CCDC177: variants seen among roughly 807,000 people sequenced by gnomAD.
The protein encoded by CCDC177 is coiled-coil domain containing 177.
CCDC177 carries 2 observed loss-of-function variants against 7.3 expected under a neutral mutation model. The observed-to-expected ratio is 0.28, with a 90% CI of 0.11 to 0.87. The LOEUF is 0.87. Among genes scored for constraint, CCDC177 ranks in the 40% least tolerant of loss-of-function variants. The pLI, the probability that CCDC177 is intolerant of heterozygous loss-of-function variation, is 0.61. For missense variants in CCDC177, 874 were observed against 970.5 expected (o/e 0.90, Z 1.32); for synonymous variants, 401 against 449.2 (o/e 0.89, Z 1.36).
In CCDC177 at chr14:69,572,772, G is replaced by A. The variant is rs898151530; in HGVS notation, c.851C>T (p.Thr284Ile). Residue 284 changes from threonine to isoleucine, a missense_variant, in exon 2 of 2, where the codon ACC (threonine) becomes ATC (isoleucine). By Grantham distance (89) the Thr-to-Ile change is moderately conservative. Coordinates refer to ENST00000599174, the MANE Select transcript of CCDC177 (RefSeq NM_001271507.2). ...SCPAGSASST[T>I]NAPGRPSALT... ...GGCAGACGGGCGGCCCGGAGCGTTG[G>A]TGGTGGAGGACGCCGACCCCGCTGG... 8.1e-7 allele frequency: 1 copy of A among 1,230,730 alleles called. No homozygotes were observed. The highest frequency in any genetic ancestry group is 4.2e-5 in the Admixed American group (1 of 23,644). 76.2% of individuals were successfully genotyped at this position (1,230,730 alleles called of 1,614,324 possible).
In CCDC177 at chr14:69,571,614, G is replaced by C. The variant is rs1200804348; in HGVS notation, c.2009C>G (p.Ser670Cys). ...ERRSALESAR[S>C]TARASFHVRE... ...CACGTGGAAGGAAGCCCGGGCTGTG[G>C]AGCGGGCGCTCTCCAGCGCACTGCG... Residue 670 changes from serine (S) to cysteine (C), a missense_variant, in exon 2 of 2, where the codon TCC becomes TGC. By Grantham distance (112) the Ser-to-Cys change is moderately radical. Transcript: ENST00000599174. 9.7e-6 allele frequency: 12 copies of C among 1,234,468 alleles called. No homozygotes were observed. The highest frequency in any genetic ancestry group is 1.6e-5 in the African/African-American group (1 of 64,446). The allele number at this position is 1,234,468 out of a possible 1,614,324, so 76.5% of individuals were successfully genotyped here.
Position 69,572,762 on chromosome 14 carries a change from C to A in CCDC177, c.861G>T (p.Pro287=), listed in dbSNP as rs1004488342. ...CCAGGGTCAGGGCAGACGGGCGGCC[C>A]GGAGCGTTGGTGGTGGAGGACGCCG... ...AGSASSTTNA[P]GRPSALTLVP... is the part of the protein sequence containing the mutation. The change falls in exon 2 of 2, where the codon CCG becomes CCT. Residue 287 remains proline (P), a synonymous_variant. Coordinates refer to ENST00000599174, the MANE Select transcript of CCDC177 (RefSeq NM_001271507.2). 8.1e-7 allele frequency: 1 copy of A among 1,231,566 alleles called. No individual in the cohort carries two copies. The highest frequency in any genetic ancestry group is 1.0e-6 in the Non-Finnish European group (1 of 987,844). 76.3% of individuals were successfully genotyped at this position (1,231,566 alleles called of 1,614,324 possible). A position where few individuals can be genotyped will look rare whatever the true frequency, so the allele number is the denominator to read the frequency against.
chr14:69,573,001 C>A lies in CCDC177; in HGVS notation c.622G>T (p.Ala208Ser), dbSNP rs1595012807. 6.5e-6 allele frequency: 8 copies of A among 1,230,362 alleles called. No homozygotes were observed. The highest frequency in any genetic ancestry group is 8.1e-6 in the Non-Finnish European group (8 of 987,342). 76.2% of individuals were successfully genotyped at this position (1,230,362 alleles called of 1,614,324 possible). ...ASPAPRAARK[A>S]SPSPSSARTQ... ...CGGGCGGAGGAGGGACTAGGGGAAG[C>A]CTTGCGGGCCGCACGCGGCGCGGGC... is the stretch of plus-strand genomic sequence containing the variant. Residue 208 changes from alanine (A) to serine (S), a missense_variant, in exon 2 of 2, where the codon GCT (alanine) becomes TCT (serine). Transcript: ENST00000599174.
intron 1 of CCDC177, among the ~76,000 whole-genome samples, chr14:69,574,043 C>G (rs923573882): frequency 6.6e-6 from 1 of 152,228 alleles, no homozygotes; most frequent in African/African-American, 2.4e-5. Context: ...TTGTTTGTAG[C>G]TTAGGCGGGC....
Position 69,573,585 on chromosome 14 carries a change from G to A in CCDC177, c.38C>T (p.Ala13Val), listed in dbSNP as rs745909065. Residue 13 changes from alanine (A) to valine (V), a missense_variant, in exon 2 of 2, where the codon GCG becomes GTG. Physicochemically the swap from Ala to Val is moderately conservative, Grantham distance 64. Coordinates refer to ENST00000599174, the MANE Select transcript of CCDC177 (RefSeq NM_001271507.2). ...GTCCCCTCCAGAGTCGCCGGGTTCCGCTCCTGCCTTCTCTTCTTCAGGCAC... is the reference window on the plus strand; with the variant it reads ...GTCCCCTCCAGAGTCGCCGGGTTCCACTCCTGCCTTCTCTTCTTCAGGCAC... ...DPVPEEEKAG[A>V]EPGDSGGDEA... The A allele has an allele frequency of 3.2e-6, 4 of 1,231,830 alleles. No individual in the cohort carries two copies. Among genetic ancestry groups the A allele is most frequent in the Non-Finnish European group, 4.0e-6 (4 of 988,018 alleles). 76.3% of individuals were successfully genotyped at this position (1,231,830 alleles called of 1,614,324 possible). A position where few individuals can be genotyped will look rare whatever the true frequency, so the allele number is the denominator to read the frequency against.
chr14:69,574,194 G>A (rs1884391244), intron 1 of CCDC177, among the ~76,000 whole-genome samples: 2 of 152,206 alleles, frequency 1.3e-5, no homozygotes, highest in Non-Finnish European at 2.9e-5. Context: ...GGTGATTAAA[G>A]GGCTGGGAGA....
At position 69,572,007 on chromosome 14, in the gene CCDC177, C is replaced by G; in HGVS notation, c.1616G>C (p.Gly539Ala). 8.1e-7 allele frequency: 1 copy of G among 1,231,320 alleles called. No individual in the cohort carries two copies. Among genetic ancestry groups the G allele is most frequent in the East Asian group, 3.2e-5 (1 of 31,634 alleles). 76.3% of individuals were successfully genotyped at this position (1,231,320 alleles called of 1,614,324 possible). ...ATGCTCGTAGTTCTCCTGCGCACGG[C>G]CCAAACTGGCTTCCAGCGAGCTCCG... is the stretch of plus-strand genomic sequence containing the variant. ...GLRSSLEASL[G>A]RAQENYEHLV... Residue 539 changes from glycine (G) to alanine (A), a missense_variant, in exon 2 of 2, where the codon GGC (glycine) becomes GCC (alanine). Transcript: ENST00000599174.
At position 69,570,455 on chromosome 14, in the gene CCDC177, C is replaced by G. The variant is rs945093212; in HGVS notation, c.*1044G>C. On this transcript the variant is annotated 3_prime_UTR_variant, in exon 2 of 2. Coordinates refer to ENST00000599174, the MANE Select transcript of CCDC177 (RefSeq NM_001271507.2). ...CAACTCTCAACAAAGGCAATTCCAG[C>G]TCTTCGGCCACCACAGTAAAGCAGC... The G allele has an allele frequency of 4.3e-6, 1 of 232,800 alleles. No homozygotes were observed. The highest frequency in any genetic ancestry group is 8.6e-6 in the Non-Finnish European group (1 of 115,774). The allele number at this position is 232,800 out of a possible 1,614,324, so 14.4% of individuals were successfully genotyped here.
chr14:69,571,738 TG>T lies in CCDC177; in HGVS notation c.1884del (p.Asn628LysfsTer30). 8.1e-7 allele frequency: 1 copy of T among 1,231,488 alleles called. No homozygotes were observed. Among genetic ancestry groups the T allele is most frequent in the Non-Finnish European group, 1.0e-6 (1 of 987,864 alleles). The allele number at this position is 1,231,488 out of a possible 1,614,324, so 76.3% of individuals were successfully genotyped here. A position where few individuals can be genotyped will look rare whatever the true frequency, so the allele number is the denominator to read the frequency against. The stretch of plus-strand genomic sequence containing the variant: ...TCTTCGTCCCTCTCCACCTTCTCCT[TG>T]TTGGCGCGCTGGGCTCGTTCCTTCT... ...RLEKERAQRA[N>X]KEKVERDEDC... On this transcript the variant is annotated frameshift_variant, in exon 2 of 2. Coordinates refer to ENST00000599174, the MANE Select transcript of CCDC177 (RefSeq NM_001271507.2). LOFTEE classifies it high-confidence loss of function.
chr14:69,573,235 C>T lies in CCDC177; in HGVS notation c.388G>A (p.Ala130Thr), dbSNP rs915963232. ...TCGTAGGCCTCATACAGGCCGGTGG[C>T]CACCCGCATGGAGCGGCCCGGAGCC... ...REAPGRSMRV[A>T]TGLYEAYEAE... The change falls in exon 2 of 2, where the codon GCC becomes ACC. Residue 130 changes from alanine (A) to threonine (T), a missense_variant. Coordinates refer to ENST00000599174, the MANE Select transcript of CCDC177 (RefSeq NM_001271507.2). The T allele has an allele frequency of 4.9e-6, 6 of 1,230,694 alleles. No individual in the cohort carries two copies. In the East Asian group the frequency reaches 1.6e-4, roughly 32 times the overall value. 76.2% of individuals were successfully genotyped at this position (1,230,694 alleles called of 1,614,324 possible).
At position 69,572,223 on chromosome 14, in the gene CCDC177, C is replaced by A. The variant is rs1884340613; in HGVS notation, c.1400G>T (p.Gly467Val). ...AGCCCGCTCCCGCCCTTCCTGTAGA[C>A]CTTCCTCACGTTGCTTCAGGTTCTG... ...QEQNLKQREE[G>V]LQEGRERAEQ... The change falls in exon 2 of 2, where the codon GGT (glycine) becomes GTT (valine). Residue 467 changes from glycine to valine, a missense_variant. Transcript: ENST00000599174. The A allele has an allele frequency of 8.1e-7, 1 of 1,229,674 alleles. No individual in the cohort carries two copies. The highest frequency in any genetic ancestry group is 4.1e-5 in the South Asian group (1 of 24,300). 76.2% of individuals were successfully genotyped at this position (1,229,674 alleles called of 1,614,324 possible).
At position 69,572,072 on chromosome 14, in the gene CCDC177, C is replaced by T. The variant is rs1201701589; in HGVS notation, c.1551G>A (p.Gln517=). 2 of 1,230,680 alleles carry T rather than the reference C, an allele frequency of 1.6e-6. No homozygotes were observed. The highest frequency in any genetic ancestry group is 4.2e-5 in the Admixed American group (1 of 23,678). The allele number at this position is 1,230,680 out of a possible 1,614,324, so 76.2% of individuals were successfully genotyped here. ...AERARHEALL[Q]GRTRQQRQER... is the part of the protein sequence containing the mutation. ...CCTGGCGCTGCTGCCGGGTCCGACC[C>T]TGTAGCAGCGCCTCGTGGCGCGCCC... Residue 517 remains glutamine (Q), a synonymous_variant, in exon 2 of 2, where the codon CAG becomes CAA. Transcript: ENST00000599174.
Position 69,572,243 on chromosome 14 carries a change from G to A in CCDC177, c.1380C>T (p.Asn460=). ...GTAGACCTTCCTCACGTTGCTTCAG[G>A]TTCTGCTCCTGCTGAAGCTTGCGCA... The part of the protein sequence containing the change: ...DRLRKLQQEQ[N]LKQREEGLQE... Residue 460 remains asparagine, a synonymous_variant, in exon 2 of 2, where the codon AAC becomes AAT. Transcript: ENST00000599174. 1 of 1,229,162 alleles carries A rather than the reference G, an allele frequency of 8.1e-7. No homozygotes were observed. The highest frequency in any genetic ancestry group is 4.1e-5 in the South Asian group (1 of 24,282). The allele number at this position is 1,229,162 out of a possible 1,614,324, so 76.1% of individuals were successfully genotyped here.
At position 69,573,681 on chromosome 14, in the gene CCDC177, T is replaced by G. The variant is rs1884382866; in HGVS notation, c.-28-31A>C. Reference sequence around the variant, plus strand: ...GATCACAAGGAGGGACATCGAGGAATACGTCTGAGAGCTCTTCCCCCCTCC... The same window carrying G: ...GATCACAAGGAGGGACATCGAGGAAGACGTCTGAGAGCTCTTCCCCCCTCC... On this transcript the variant is annotated intron_variant, in intron 1 of 1. Coordinates refer to ENST00000599174, the MANE Select transcript of CCDC177 (RefSeq NM_001271507.2). The G allele has an allele frequency of 4.9e-6, 6 of 1,231,460 alleles. No homozygotes were observed. The Admixed American group carries it at 1.7e-4, about 35-fold the overall frequency. The allele number at this position is 1,231,460 out of a possible 1,614,324, so 76.3% of individuals were successfully genotyped here.
chr14:69,570,557 G>C lies in CCDC177; in HGVS notation c.*942C>G. ...GGAATCCTACACTCCAAACTCTCTG[G>C]GGCCCACCCTTGAGACGGCATGCAG... On this transcript the variant is annotated 3_prime_UTR_variant, in exon 2 of 2. Coordinates refer to ENST00000599174, the MANE Select transcript of CCDC177 (RefSeq NM_001271507.2). 1 of 349,720 alleles carries C rather than the reference G, an allele frequency of 2.9e-6. No homozygotes were observed. The highest frequency in any genetic ancestry group is 2.3e-5 in the South Asian group (1 of 44,424). The allele number at this position is 349,720 out of a possible 1,614,324, so 21.7% of individuals were successfully genotyped here. A position where few individuals can be genotyped will look rare whatever the true frequency, so the allele number is the denominator to read the frequency against.
At position 69,571,955 on chromosome 14, in the gene CCDC177, CA is replaced by C; in HGVS notation, c.1667del (p.Leu556ArgfsTer102). On this transcript the variant is annotated frameshift_variant, in exon 2 of 2. Transcript: ENST00000599174. LOFTEE classifies it low-confidence loss of function (END_TRUNC). The part of the protein sequence containing the change: ...EHLVEQRTRE[L>X]RERARREELQ... ...GCTCCTCTCGCCGGGCCCGCTCCCGCAGCTCCCGGGTGCGCTGCTCCACCAA... is the reference window on the plus strand; with the variant it reads ...GCTCCTCTCGCCGGGCCCGCTCCCGCGCTCCCGGGTGCGCTGCTCCACCAA... 1 of 1,232,210 alleles carries C rather than the reference CA, an allele frequency of 8.1e-7. No individual in the cohort carries two copies. The highest frequency in any genetic ancestry group is 1.0e-6 in the Non-Finnish European group (1 of 988,438). 76.3% of individuals were successfully genotyped at this position (1,232,210 alleles called of 1,614,324 possible).
chr14:69,573,703 C>T (rs1367954534), intron 1 of CCDC177, 53 bp from the exon 2 acceptor site: 7 of 1,225,200 alleles, frequency 5.7e-6, no homozygotes, highest in Non-Finnish European at 7.1e-6. Context: ...CTCTTCCCCC[C>T]TCCTCATCCA....
At position 69,571,675 on chromosome 14, in the gene CCDC177, T is replaced by G; in HGVS notation, c.1948A>C (p.Lys650Gln). ...GTCAGCTGCTCGCTGCGCTCCAGCT[T>G]GCGCCCGATGGCCTGGAGTAGCTCT... The part of the protein sequence containing the change: ...RRELLQAIGR[K>Q]LERSEQLTRE... Residue 650 changes from lysine to glutamine, a missense_variant, in exon 2 of 2, where the codon AAG becomes CAG. Lys to Gln is a moderately conservative substitution (Grantham distance 53, BLOSUM62 1). Transcript: ENST00000599174. The G allele has an allele frequency of 1.6e-6, 2 of 1,232,060 alleles. No homozygotes were observed. Among genetic ancestry groups the G allele is most frequent in the Non-Finnish European group, 2.0e-6 (2 of 988,240 alleles). The allele number at this position is 1,232,060 out of a possible 1,614,324, so 76.3% of individuals were successfully genotyped here. A position where few individuals can be genotyped will look rare whatever the true frequency, so the allele number is the denominator to read the frequency against.
rs540885499 is a variant in CCDC177 at position 69,573,199 on chromosome 14, G to C, written c.424C>G (p.Arg142Gly). 8.1e-7 allele frequency: 1 copy of C among 1,230,678 alleles called. No individual in the cohort carries two copies. The highest frequency in any genetic ancestry group is 1.0e-6 in the Non-Finnish European group (1 of 987,364). The allele number at this position is 1,230,678 out of a possible 1,614,324, so 76.2% of individuals were successfully genotyped here. Residue 142 changes from arginine to glycine, a missense_variant, in exon 2 of 2, where the codon CGC becomes GGC. Physicochemically the swap from Arg to Gly is moderately radical, Grantham distance 125 (BLOSUM62 -2). Coordinates refer to ENST00000599174, the MANE Select transcript of CCDC177 (RefSeq NM_001271507.2). ...GCCCGGCATTGCTGCAGCTTGGCGC[G>C]CCGCTCCGCCTCGTAGGCCTCATAC... ...GLYEAYEAER[R>G]AKLQQCRAER... is the part of the protein sequence containing the mutation.
Sources: allele counts gnomAD v4.1 joint callset (sites outside exome capture counted in the v4.1 genomes callset), GRCh38; gene constraint gnomAD v4.1.1; transcripts MANE v1.5; gene names NCBI Gene and HGNC (gene_info 2026-07-23, HGNC 2026-07-21).